SLC25A26: variants seen among roughly 807,000 people sequenced by gnomAD.
The protein encoded by SLC25A26 is mitochondrial S-adenosylmethionine carrier protein.
A neutral mutation model predicts 37.8 loss-of-function variants in SLC25A26; 36 were observed. The observed-to-expected ratio is 0.95, with a 90% CI of 0.73 to 1.26. The LOEUF is 1.26. Among genes scored for constraint, SLC25A26 ranks in the 50% most tolerant of loss-of-function variants. The pLI, the probability that SLC25A26 is intolerant of heterozygous loss-of-function variation, is 0.00. For synonymous variants in SLC25A26, 129 were observed against 122.5 expected, an observed-to-expected ratio of 1.05 and a Z score of -0.35; for missense variants, 390 against 331.1, an observed-to-expected ratio of 1.18 and a Z score of -1.38.
intron 7 of SLC25A26, among the ~76,000 whole-genome samples, chr3:66,369,031 AAAAAAAAAAAAACAAAAAC>A (rs1321189288): frequency 2.1e-4 from 15 of 71,358 alleles, no homozygotes; most frequent in African/African-American, 1.2e-3. Flanking sequence ...TTTTCAAAAA[AAAAAAAAAAAAACAAAAAC>A]AAAAAAAAAA....
intron 3 of SLC25A26, among the ~76,000 whole-genome samples, chr3:66,259,826 A>G (rs2073452359): frequency 6.6e-6 from 1 of 151,836 alleles, no homozygotes; most frequent in South Asian, 2.1e-4. Context: ...AAGTGTTCCC[A>G]CTGACTATGG....
intron 2 of SLC25A26, among the ~76,000 whole-genome samples, chr3:66,238,574 G>T (rs193080705): frequency 1.2e-4 from 18 of 152,042 alleles, no homozygotes; most frequent in African/African-American, 4.3e-4. Context: ...GTAGAGACGG[G>T]GTTTCACCAT....
At chr3:66,294,777 C>T (rs1256910066) in intron 5 of SLC25A26, among the ~76,000 whole-genome samples, 1 of 152,176 alleles carries the variant, frequency 6.6e-6, no homozygotes, top group African/African-American at 2.4e-5. Context: ...AACCTATTTA[C>T]TATGGGTCAT....
chr3:66,264,404 C>T (rs774516085), intron 5 of SLC25A26, among the ~76,000 whole-genome samples: 19 of 152,306 alleles, frequency 1.2e-4, no homozygotes, highest in Non-Finnish European at 2.6e-4. Context: ...GGGCCGTGGA[C>T]GTGTACTGGT....
chr3:66,371,255 A>G (rs534723728), intron 9 of SLC25A26: 22 of 1,547,850 alleles, frequency 1.4e-5, no homozygotes, highest in Non-Finnish European at 7.0e-6. Flanking sequence ...CTCCCTTTGC[A>G]GAGGGTCGGT....
intron 9 of SLC25A26, among the ~76,000 whole-genome samples, chr3:66,374,696 C>T (rs1469938612): frequency 6.6e-6 from 1 of 152,128 alleles, no homozygotes; most frequent in African/African-American, 2.4e-5. Flanking sequence ...CCAGCCTAGG[C>T]AACATGCCAA....
At chr3:66,326,077 A>G (rs1020653379) in intron 5 of SLC25A26, among the ~76,000 whole-genome samples, 3 of 152,222 alleles carry the variant, frequency 2.0e-5, no homozygotes, top group Admixed American at 2.0e-4. Flanking sequence ...TGAGGTGCCA[A>G]GAAGGATCCA....
intron 1 of SLC25A26, among the ~76,000 whole-genome samples, chr3:66,195,647 T>G (rs992355316): frequency 1.5e-4 from 23 of 152,332 alleles, no homozygotes; most frequent in Non-Finnish European, 7.3e-5. Flanking sequence ...CGTCTCCATC[T>G]TCTGGTTGTG....
At chr3:66,336,731 T>C (rs573354654) in intron 5 of SLC25A26, among the ~76,000 whole-genome samples, 1 of 152,318 alleles carries the variant, frequency 6.6e-6, no homozygotes, top group Non-Finnish European at 1.5e-5. Flanking sequence ...TGAACAAGAA[T>C]CATCCTGATT....
chr3:66,260,652 G>T (rs1407731248), intron 3 of SLC25A26, among the ~76,000 whole-genome samples: 1 of 152,146 alleles, frequency 6.6e-6, no homozygotes. Context: ...CTTGTCATGG[G>T]GTGCTCGGGC....
chr3:66,312,905 T>C (rs1041420731), intron 5 of SLC25A26, among the ~76,000 whole-genome samples: 1 of 152,184 alleles, frequency 6.6e-6, no homozygotes, highest in Non-Finnish European at 1.5e-5. Context: ...CCTTCTGTTA[T>C]GGCCTTGCTG....
chr3:66,245,041 C>T (rs192494464), intron 3 of SLC25A26, among the ~76,000 whole-genome samples: 2 of 152,082 alleles, frequency 1.3e-5, no homozygotes, highest in Admixed American at 6.5e-5. Flanking sequence ...GAACACAGTA[C>T]TGTAAGTGGT....
chr3:66,353,157 C>A (rs147167263), intron 6 of SLC25A26, among the ~76,000 whole-genome samples: 1 of 152,328 alleles, frequency 6.6e-6, no homozygotes, highest in African/African-American at 2.4e-5. Flanking sequence ...GGTTGTCTTT[C>A]ACCTAGTTGC....
chr3:66,241,113 C>T (rs900263585), intron 2 of SLC25A26, among the ~76,000 whole-genome samples: 4 of 151,618 alleles, frequency 2.6e-5, no homozygotes, highest in African/African-American at 7.3e-5. Context: ...CAAATTATCA[C>T]GAATCTCCAA....
At chr3:66,345,713 T>C (rs2076306185) in intron 5 of SLC25A26, among the ~76,000 whole-genome samples, 1 of 152,162 alleles carries the variant, frequency 6.6e-6, no homozygotes, top group Non-Finnish European at 1.5e-5. Context: ...GTTTCTCCTT[T>C]AAATCCTAAC....
intron 3 of SLC25A26, among the ~76,000 whole-genome samples, chr3:66,248,312 CTGCT>C (rs1559614929): frequency 6.6e-6 from 1 of 152,140 alleles, no homozygotes; most frequent in African/African-American, 2.4e-5. Context: ...AAGAGGGGTC[CTGCT>C]TGTGCCGTTT....
chr3:66,157,760 A>G (rs752968288), intron 1 of SLC25A26, among the ~76,000 whole-genome samples: 21 of 152,188 alleles, frequency 1.4e-4, no homozygotes, highest in Non-Finnish European at 2.1e-4. Context: ...TGCCACATGC[A>G]TATCTGGTAT....
chr3:66,287,955 A>G (rs746803976), intron 5 of SLC25A26, among the ~76,000 whole-genome samples: 1 of 152,216 alleles, frequency 6.6e-6, no homozygotes, highest in Non-Finnish European at 1.5e-5. Flanking sequence ...TTTGAGAATA[A>G]TATTGTTACT....
chr3:66,313,834 A>G (rs1397960684), intron 5 of SLC25A26, among the ~76,000 whole-genome samples: 4 of 152,172 alleles, frequency 2.6e-5, no homozygotes, highest in Admixed American at 2.6e-4. Flanking sequence ...GAGATCCTTC[A>G]CGTCCCTTGC....
Sources: gnomAD v4.1 joint callset for allele counts (sites outside exome capture counted in the v4.1 genomes callset) on GRCh38, gnomAD v4.1.1 for gene constraint, MANE v1.5 for transcripts, NCBI Gene and HGNC (gene_info 2026-07-23, HGNC 2026-07-21) for gene names.